CPNE4: variants seen among roughly 807,000 people sequenced by gnomAD.
CPNE4 encodes copine 4.
In CPNE4, 25 loss-of-function variants were observed where a neutral mutation model predicts 67.9. The ratio of observed to expected loss-of-function variants is 0.37; its 90% CI spans 0.27 to 0.51. The LOEUF (loss-of-function observed/expected upper bound fraction) is 0.51, where lower values mean the gene tolerates loss of function less well. Among genes scored for constraint, CPNE4 ranks in the 20% least tolerant of loss-of-function variants. The pLI, the probability that CPNE4 is intolerant of heterozygous loss-of-function variation, is 0.93. For missense variants in CPNE4, 464 were observed against 690.8 expected, an observed-to-expected ratio of 0.67 and a Z score of 3.68; for synonymous variants, 242 against 244.9, an observed-to-expected ratio of 0.99 and a Z score of 0.11.
Position 131,568,675 on chromosome 3 carries a change from A to C in CPNE4, c.928-4326T>G, listed in dbSNP as rs561954447. ...TGCAAACCTTGTAAAGTAAGAATGCAAAATGCCCCCTCCATGACACCAAGT... is the reference window on the plus strand; with the variant it reads ...TGCAAACCTTGTAAAGTAAGAATGCCAAATGCCCCCTCCATGACACCAAGT... On this transcript the variant is annotated intron_variant, in intron 10 of 15. Transcript: ENST00000429747. Among the ~76,000 whole-genome samples the C allele has an allele frequency of 2.1e-3, 320 of 152,156 alleles. 2 individuals carry two copies. Among genetic ancestry groups the C allele is most frequent in the African/African-American group, 7.3e-3 (304 of 41,546 alleles).
intron 15 of CPNE4, among the ~76,000 whole-genome samples, chr3:131,540,290 A>G (rs139382718): frequency 3.3e-5 from 5 of 152,314 alleles, no homozygotes; most frequent in African/African-American, 1.2e-4. Context: ...GTGTGGCAGT[A>G]CAGTTATGAA....
chr3:131,664,469 G>A (rs1208299065), intron 7 of CPNE4, among the ~76,000 whole-genome samples: 1 of 152,236 alleles, frequency 6.6e-6, no homozygotes, highest in Non-Finnish European at 1.5e-5. Flanking sequence ...TTGTGTTATA[G>A]TTTTATTGAG....
chr3:131,588,370 G>A lies in CPNE4; in HGVS notation c.682-788C>T, dbSNP rs373540958. Among the ~76,000 whole-genome samples, 15 of 152,286 alleles carry A rather than the reference G, an allele frequency of 9.8e-5. No individual in the cohort carries two copies. In the East Asian group the frequency reaches 2.7e-3, roughly 27 times the overall value. ...GGAGGTCTCCACGTACTCCCAGGGT[G>A]GAGACTGGATTGGAGTCTTCAGCAC... On this transcript the variant is annotated intron_variant, in intron 7 of 15. Transcript: ENST00000429747.
intron 2 of CPNE4, among the ~76,000 whole-genome samples, chr3:131,830,681 C>T (rs1187356011): frequency 6.6e-6 from 1 of 152,118 alleles, no homozygotes; most frequent in East Asian, 1.9e-4. Context: ...TCAGCTATTA[C>T]ATTCTTTTTA....
At chr3:131,788,792 C>G (rs1336874405) in intron 2 of CPNE4, among the ~76,000 whole-genome samples, 1 of 151,716 alleles carries the variant, frequency 6.6e-6, no homozygotes, top group Non-Finnish European at 1.5e-5. Context: ...GAGGCTATAA[C>G]GTTAAGTGGA....
intron 7 of CPNE4, among the ~76,000 whole-genome samples, chr3:131,637,489 G>A (rs1171737231): frequency 6.6e-6 from 1 of 151,982 alleles, no homozygotes; most frequent in East Asian, 1.9e-4. Context: ...ATCCAACAAA[G>A]ACAAAGAAAA....
intron 7 of CPNE4, among the ~76,000 whole-genome samples, chr3:131,606,551 C>T (rs1208212506): frequency 2.6e-5 from 4 of 152,200 alleles, no homozygotes; most frequent in Non-Finnish European, 4.4e-5. Flanking sequence ...TACTATTCGT[C>T]ATGGTCCCTG....
intron 1 of CPNE4, among the ~76,000 whole-genome samples, chr3:132,016,014 C>T (rs1211942973): frequency 1.3e-5 from 2 of 152,192 alleles, no homozygotes; most frequent in Non-Finnish European, 2.9e-5. Flanking sequence ...TCCAAAAACA[C>T]AGGTGAAATA....
chr3:132,020,800 C>A lies in CPNE4; in HGVS notation c.-2+13767G>T, dbSNP rs911444272. ...GCAGGTCATCACAGGACACTGTTAA[C>A]CCTAGCCCCGCACAGCTGGAACATG... On this transcript the variant is annotated intron_variant, in intron 1 of 15. Coordinates refer to ENST00000429747, the MANE Select transcript of CPNE4 (RefSeq NM_130808.3). 5.9e-5 allele frequency among the ~76,000 whole-genome samples: 9 copies of A among 152,288 alleles called. No individual in the cohort carries two copies. In the East Asian group the frequency reaches 1.5e-3, roughly 26 times the overall value.
chr3:131,756,734 T>C (rs188397511), intron 2 of CPNE4, among the ~76,000 whole-genome samples: 1 of 152,278 alleles, frequency 6.6e-6, no homozygotes, highest in East Asian at 1.9e-4. Context: ...GGGTTGGTAG[T>C]TGAAGTATGC....
chr3:131,839,782 G>C (rs896326476), intron 2 of CPNE4, among the ~76,000 whole-genome samples: 2 of 152,092 alleles, frequency 1.3e-5, no homozygotes, highest in African/African-American at 2.4e-5. Context: ...AAGAGAACTG[G>C]CACCTAGTTA....
At chr3:131,643,222 T>A (rs73001273) in intron 7 of CPNE4, among the ~76,000 whole-genome samples, 1 of 152,314 alleles carries the variant, frequency 6.6e-6, no homozygotes, top group East Asian at 1.9e-4. Flanking sequence ...GCCCTTGCCA[T>A]AGAGATCTGT....
At chr3:131,829,733 T>C (rs1383950972) in intron 2 of CPNE4, among the ~76,000 whole-genome samples, 1 of 152,216 alleles carries the variant, frequency 6.6e-6, no homozygotes. Flanking sequence ...GTGACAACTC[T>C]TCACAAGAGG....
intron 7 of CPNE4, among the ~76,000 whole-genome samples, chr3:131,659,098 G>A (rs1281106245): frequency 6.6e-6 from 1 of 152,178 alleles, no homozygotes; most frequent in African/African-American, 2.4e-5. Context: ...TGTGAACAAA[G>A]TAGTGGAATA....
intron 1 of CPNE4, among the ~76,000 whole-genome samples, chr3:131,982,375 AC>A (rs2072929484): frequency 6.6e-6 from 1 of 152,152 alleles, no homozygotes; most frequent in Admixed American, 6.5e-5. Context: ...GCCCAATTAA[AC>A]TGCAGTTATT....
chr3:131,839,756 T>G (rs899412799), intron 2 of CPNE4, among the ~76,000 whole-genome samples: 4 of 152,100 alleles, frequency 2.6e-5, no homozygotes, highest in African/African-American at 9.7e-5. Flanking sequence ...AAAAAAAGAC[T>G]ATTGGCTTGA....
chr3:131,934,404 A>C (rs1025528395), intron 1 of CPNE4, among the ~76,000 whole-genome samples: 8 of 152,174 alleles, frequency 5.3e-5, no homozygotes, highest in Admixed American at 1.3e-4. Flanking sequence ...GTGCAAGATC[A>C]AGGGAAAGTA....
intron 2 of CPNE4, among the ~76,000 whole-genome samples, chr3:131,754,972 A>G (rs1232123515): frequency 6.6e-6 from 1 of 152,198 alleles, no homozygotes; most frequent in African/African-American, 2.4e-5. Flanking sequence ...TTGCTTAAAT[A>G]TGGAACAGGA....
At chr3:131,752,559 A>G (rs2082655994) in intron 2 of CPNE4, among the ~76,000 whole-genome samples, 1 of 152,176 alleles carries the variant, frequency 6.6e-6, no homozygotes, top group Non-Finnish European at 1.5e-5. Context: ...GCCAGTCTGC[A>G]TCCTTCTTTC....
Sources: allele counts gnomAD v4.1 joint callset (sites outside exome capture counted in the v4.1 genomes callset), GRCh38; gene constraint gnomAD v4.1.1; transcripts MANE v1.5; gene names NCBI Gene and HGNC (gene_info 2026-07-23, HGNC 2026-07-21).